The following MARCHF1 variants were observed in gnomAD, a reference collection of about 807,000 sequenced individuals.
MARCHF1 encodes membrane associated ring-CH-type finger 1, also known as E3 ubiquitin-protein ligase MARCHF1.
A neutral mutation model predicts 54.2 loss-of-function variants in MARCHF1; 40 were observed. That is an observed-to-expected ratio of 0.74 (90% CI 0.57 to 0.96). The LOEUF is 0.96. Among genes scored for constraint, MARCHF1 ranks in the 40% least tolerant of loss-of-function variants. The pLI is 0.00. For missense variants in MARCHF1, 586 were observed against 656.5 expected (o/e 0.89, Z 1.17); for synonymous variants, 236 against 236.3 (o/e 1.00, Z 0.01).
rs533743599 is a variant in MARCHF1, at chr4:164,350,947, C to T, written c.-323+32923G>A. Reference sequence around the variant, plus strand: ...GAAGCAGGGCGAGGCATTGCCTCACCTGGGAAGCGCAAGGGGTCAGGGAGT... The same window carrying T: ...GAAGCAGGGCGAGGCATTGCCTCACTTGGGAAGCGCAAGGGGTCAGGGAGT... On this transcript the variant is annotated intron_variant, in intron 1 of 9. Transcript: ENST00000514618. 1.1e-4 allele frequency among the ~76,000 whole-genome samples: 16 copies of T among 152,174 alleles called. No homozygotes were observed. In the South Asian group the frequency reaches 1.7e-3, roughly 16 times the overall value.
At chr4:163,966,163 C>A (rs2110825300) in intron 3 of MARCHF1, among the ~76,000 whole-genome samples, 1 of 151,904 alleles carries the variant, frequency 6.6e-6, no homozygotes, top group African/African-American at 2.4e-5. Flanking sequence ...TACACTAATA[C>A]CAAAATAAGC....
chr4:164,034,181 G>A (rs748483243), intron 2 of MARCHF1, among the ~76,000 whole-genome samples: 4 of 152,054 alleles, frequency 2.6e-5, no homozygotes, highest in Non-Finnish European at 4.4e-5. Context: ...CGTGTTTGCA[G>A]GGACATGGAT....
chr4:163,832,657 T>C (rs970998319), intron 4 of MARCHF1, among the ~76,000 whole-genome samples: 4 of 151,366 alleles, frequency 2.6e-5, no homozygotes, highest in Admixed American at 2.6e-4. Context: ...GTTACATATG[T>C]ATACATGTGC....
At chr4:164,291,354 A>T (rs1483867365) in intron 1 of MARCHF1, among the ~76,000 whole-genome samples, 1 of 152,022 alleles carries the variant, frequency 6.6e-6, no homozygotes, top group Admixed American at 6.6e-5. Context: ...ATTTAAATGC[A>T]ATAAACTTTC....
At chr4:164,094,705 G>T (rs1050473472) in intron 2 of MARCHF1, among the ~76,000 whole-genome samples, 1 of 152,044 alleles carries the variant, frequency 6.6e-6, no homozygotes, top group African/African-American at 2.4e-5. Flanking sequence ...CAAACTTCAG[G>T]AAAATTGAAT....
rs144797094 is a variant in MARCHF1 at position 163,876,203 on chromosome 4, C to A, written c.-38-22034G>T. Reference sequence around the variant, plus strand: ...ACTTTATTTTCAATAGCCAGCTCAACTATATCCACCTCAATATACTGCACA... The same window carrying A: ...ACTTTATTTTCAATAGCCAGCTCAAATATATCCACCTCAATATACTGCACA... On this transcript the variant is annotated intron_variant, in intron 3 of 9. Transcript: ENST00000514618. Among the ~76,000 whole-genome samples the A allele has an allele frequency of 4.1e-4, 63 of 152,282 alleles. 1 individual carries two copies. The East Asian group carries it at 0.012, about 28-fold the overall frequency.
intron 7 of MARCHF1, among the ~76,000 whole-genome samples, chr4:163,592,528 T>TC (rs1740625034): frequency 1.3e-5 from 2 of 151,916 alleles, no homozygotes; most frequent in Non-Finnish European, 2.9e-5. Flanking sequence ...TTTTTTTTTT[T>TC]CACCACCAGA....
intron 1 of MARCHF1, among the ~76,000 whole-genome samples, chr4:164,194,953 A>C (rs1056426545): frequency 6.6e-6 from 1 of 151,578 alleles, no homozygotes. Context: ...TACATTAGCT[A>C]TCCCTCCCCT....
chr4:163,990,686 T>C (rs539259477), intron 2 of MARCHF1, among the ~76,000 whole-genome samples: 134 of 152,278 alleles, frequency 8.8e-4, no homozygotes, highest in Middle Eastern at 3.4e-3. Flanking sequence ...GTGTGAGAAG[T>C]TCCTTAATTT....
intron 3 of MARCHF1, among the ~76,000 whole-genome samples, chr4:163,984,791 A>G (rs979344202): frequency 6.6e-6 from 1 of 152,214 alleles, no homozygotes; most frequent in Middle Eastern, 3.2e-3. Flanking sequence ...TCACATATCT[A>G]AAAAAGAAGA....
intron 1 of MARCHF1, among the ~76,000 whole-genome samples, chr4:164,143,880 A>G (rs1729581568): frequency 6.6e-6 from 1 of 152,212 alleles, no homozygotes; most frequent in Non-Finnish European, 1.5e-5. Context: ...AGACTGGCAA[A>G]TTGGATAAAG....
At chr4:163,774,273 T>C (rs948990869) in intron 4 of MARCHF1, among the ~76,000 whole-genome samples, 4 of 152,178 alleles carry the variant, frequency 2.6e-5, no homozygotes, top group Admixed American at 1.3e-4. Context: ...TTTGCATATG[T>C]TTTAATCAAA....
chr4:163,637,854 C>A (rs1192796395), intron 5 of MARCHF1, among the ~76,000 whole-genome samples: 6 of 151,522 alleles, frequency 4.0e-5, no homozygotes, highest in Admixed American at 6.6e-5. Context: ...AAATGTCCAA[C>A]AATGATAGAC....
At chr4:163,892,132 T>G (rs1213059787) in intron 3 of MARCHF1, among the ~76,000 whole-genome samples, 1 of 152,194 alleles carries the variant, frequency 6.6e-6, no homozygotes, top group Non-Finnish European at 1.5e-5. Context: ...TCAACTAGAT[T>G]CACATTTTAA....
intron 2 of MARCHF1, among the ~76,000 whole-genome samples, chr4:164,040,533 GT>G (rs539292762): frequency 1.7e-4 from 25 of 150,076 alleles, no homozygotes; most frequent in Admixed American, 3.3e-4. Flanking sequence ...AAAAGATAAA[GT>G]TTTTTTTGAA....
At chr4:163,858,301 G>A (rs1012103922) in intron 3 of MARCHF1, among the ~76,000 whole-genome samples, 16 of 152,036 alleles carry the variant, frequency 1.1e-4, no homozygotes, top group African/African-American at 2.2e-4. Context: ...AATCTTAAAC[G>A]CAGAGATTTG....
Position 164,280,532 on chromosome 4 carries a change from C to T in MARCHF1, c.-323+103338G>A, listed in dbSNP as rs143743929. 1.1e-4 allele frequency among the ~76,000 whole-genome samples: 17 copies of T among 152,084 alleles called. No individual in the cohort carries two copies. The East Asian group carries it at 3.3e-3, about 29-fold the overall frequency. On this transcript the variant is annotated intron_variant, in intron 1 of 9. Coordinates refer to ENST00000514618, the MANE Select transcript of MARCHF1 (RefSeq NM_001394959.1). ...TTTGGAAAAAGGATAACATTGATTCCTACCTTGTGACATAAACCAAAATAA... is the reference window on the plus strand; with the variant it reads ...TTTGGAAAAAGGATAACATTGATTCTTACCTTGTGACATAAACCAAAATAA...
chr4:163,537,544 T>G (rs1438767887), intron 9 of MARCHF1, among the ~76,000 whole-genome samples: 1 of 152,192 alleles, frequency 6.6e-6, no homozygotes, highest in Non-Finnish European at 1.5e-5. Context: ...ATCTGCTCAT[T>G]TATCTGAGGC....
chr4:163,839,010 A>G (rs1447121149), intron 4 of MARCHF1, among the ~76,000 whole-genome samples: 1 of 152,096 alleles, frequency 6.6e-6, no homozygotes, highest in Non-Finnish European at 1.5e-5. Flanking sequence ...TATATCTAAT[A>G]GGGGACTTGT....
Sources: gnomAD v4.1 joint callset for allele counts (sites outside exome capture counted in the v4.1 genomes callset) on GRCh38, gnomAD v4.1.1 for gene constraint, MANE v1.5 for transcripts, NCBI Gene and HGNC (gene_info 2026-07-23, HGNC 2026-07-21) for gene names.